Variants in SPAG16 observed in about 807,000 individuals in gnomAD.
SPAG16 encodes sperm associated antigen 16.
A neutral mutation model predicts 80.4 loss-of-function variants in SPAG16; 86 were observed. The observed-to-expected ratio is 1.07, with a 90% CI of 0.90 to 1.28. The LOEUF (loss-of-function observed/expected upper bound fraction) is 1.28. Ranked by LOEUF, SPAG16 falls within the 50% of genes most tolerant of loss-of-function variation. SPAG16 has a pLI of 0.00. For synonymous variants in SPAG16, 294 were observed against 265.9 expected, an observed-to-expected ratio of 1.11 and a Z score of -1.03; for missense variants, 870 against 765.3, an observed-to-expected ratio of 1.14 and a Z score of -1.61.
At chr2:213,869,931 G>T (rs2075883614) in intron 11 of SPAG16, among the ~76,000 whole-genome samples, 1 of 152,156 alleles carries the variant, frequency 6.6e-6, no homozygotes, top group South Asian at 2.1e-4. Flanking sequence ...TATTGGGGAA[G>T]GCCTGGTTTG....
rs569062804 is a variant in SPAG16 at position 213,616,070 on chromosome 2, A to G, written c.1070+125980A>G. On this transcript the variant is annotated intron_variant, in intron 10 of 15. Coordinates refer to ENST00000331683, the MANE Select transcript of SPAG16 (RefSeq NM_024532.5). ...AACTTAAAGTATGATAATAATAACA[A>G]AAGAAATTAATCCATTTTACCGATT... is the stretch of plus-strand genomic sequence containing the variant. Among the ~76,000 whole-genome samples, 5 of 152,306 alleles carry G rather than the reference A, an allele frequency of 3.3e-5. No homozygotes were observed. The South Asian group carries it at 1.0e-3, about 32-fold the overall frequency.
At chr2:213,686,441 T>A (rs1202247734) in intron 10 of SPAG16, among the ~76,000 whole-genome samples, 1 of 152,146 alleles carries the variant, frequency 6.6e-6, no homozygotes, top group Non-Finnish European at 1.5e-5. Context: ...TATTCCTTTC[T>A]CTGAAATTTA....
At chr2:213,944,305 G>C (rs2079346496) in intron 12 of SPAG16, among the ~76,000 whole-genome samples, 3 of 152,218 alleles carry the variant, frequency 2.0e-5, no homozygotes, top group South Asian at 2.1e-4. Context: ...CAGAGGCAGA[G>C]CATCATCAAG....
At chr2:214,328,474 C>G (rs900200536) in intron 15 of SPAG16, among the ~76,000 whole-genome samples, 1 of 152,122 alleles carries the variant, frequency 6.6e-6, no homozygotes, top group Non-Finnish European at 1.5e-5. Context: ...GTTTAGCAGT[C>G]TTTGAGAAAA....
At chr2:213,377,897 ATATATATTTTTTT>A (rs1306805534) in intron 9 of SPAG16, among the ~76,000 whole-genome samples, 94 of 89,166 alleles carry the variant, frequency 1.1e-3, no homozygotes, top group African/African-American at 4.3e-3. Context: ...ATATATATAT[ATATATATTTTTTT>A]TTTTTTTTCT....
At chr2:214,388,743 C>CA (rs1700900551) in intron 15 of SPAG16, among the ~76,000 whole-genome samples, 1 of 151,994 alleles carries the variant, frequency 6.6e-6, no homozygotes, top group African/African-American at 2.4e-5. Flanking sequence ...GAAAGAATTC[C>CA]AAAAAAGGAA....
At chr2:213,552,415 C>A (rs1449376810) in intron 10 of SPAG16, among the ~76,000 whole-genome samples, 2 of 152,146 alleles carry the variant, frequency 1.3e-5, no homozygotes, top group African/African-American at 4.8e-5. Context: ...CACTAACCTT[C>A]CTGGTGGGGC....
chr2:213,355,702 G>A (rs955508579), intron 7 of SPAG16, among the ~76,000 whole-genome samples: 2 of 152,148 alleles, frequency 1.3e-5, no homozygotes, highest in African/African-American at 4.8e-5. Context: ...TGTGATTGTT[G>A]CACATTGATT....
At chr2:214,071,870 TTA>T (rs2050802609) in intron 13 of SPAG16, among the ~76,000 whole-genome samples, 1 of 152,154 alleles carries the variant, frequency 6.6e-6, no homozygotes, top group Admixed American at 6.6e-5. Flanking sequence ...ACACTGTAAT[TTA>T]GTTAGAAACT....
intron 10 of SPAG16, among the ~76,000 whole-genome samples, chr2:213,523,788 A>C (rs927606795): frequency 2.0e-5 from 3 of 152,182 alleles, no homozygotes; most frequent in African/African-American, 7.2e-5. Context: ...CCCCTGCCCT[A>C]AAGATCTGTG....
At chr2:213,876,816 A>G (rs979287119) in intron 11 of SPAG16, among the ~76,000 whole-genome samples, 5 of 152,080 alleles carry the variant, frequency 3.3e-5, no homozygotes, top group Non-Finnish European at 7.4e-5. Context: ...CCATAATTTC[A>G]GTATTAGGGT....
chr2:214,071,443 G>T (rs796920941), intron 13 of SPAG16, among the ~76,000 whole-genome samples: 5 of 152,240 alleles, frequency 3.3e-5, no homozygotes, highest in African/African-American at 1.2e-4. Flanking sequence ...TATAAGGCAT[G>T]TAGAGGATAA....
intron 11 of SPAG16, among the ~76,000 whole-genome samples, chr2:213,882,988 C>G (rs2076405136): frequency 6.6e-6 from 1 of 152,144 alleles, no homozygotes; most frequent in Non-Finnish European, 1.5e-5. Context: ...TCCTCAGCCT[C>G]CCGAGTAGCT....
chr2:214,368,126 T>C (rs1439578241), intron 15 of SPAG16, among the ~76,000 whole-genome samples: 1 of 152,134 alleles, frequency 6.6e-6, no homozygotes, highest in Non-Finnish European at 1.5e-5. Flanking sequence ...AAGCAAACCA[T>C]TAAAATGCTC....
At chr2:213,757,083 A>G (rs2068382011) in intron 10 of SPAG16, among the ~76,000 whole-genome samples, 1 of 152,204 alleles carries the variant, frequency 6.6e-6, no homozygotes, top group Non-Finnish European at 1.5e-5. Context: ...GATTTCATAT[A>G]CTAACATAAA....
rs1473505504 is a variant in SPAG16, at chr2:213,848,770, T to TC, written c.1071-13711dup. On this transcript the variant is annotated intron_variant, in intron 10 of 15. Coordinates refer to ENST00000331683, the MANE Select transcript of SPAG16 (RefSeq NM_024532.5). ...TATCGCCCCTTGCAGCTCTTCAGCTTCCCCTTGCCAGCATCTCAAATTACA... is the reference window on the plus strand; with the variant it reads ...TATCGCCCCTTGCAGCTCTTCAGCTTCCCCCTTGCCAGCATCTCAAATTACA... 2.0e-5 allele frequency among the ~76,000 whole-genome samples: 3 copies of TC among 152,254 alleles called. No homozygotes were observed. The East Asian group carries it at 5.8e-4, about 30-fold the overall frequency.
chr2:213,414,360 G>T (rs1456127371), intron 9 of SPAG16, among the ~76,000 whole-genome samples: 1 of 152,022 alleles, frequency 6.6e-6, no homozygotes. Context: ...ATTATTTTAA[G>T]ATTAGTTCCT....
At chr2:213,292,455 G>A (rs1559376937) in intron 1 of SPAG16, among the ~76,000 whole-genome samples, 2 of 151,570 alleles carry the variant, frequency 1.3e-5, no homozygotes, top group Non-Finnish European at 2.9e-5. Context: ...ATGAGGTCAG[G>A]AGATCGAGAC....
At chr2:213,850,551 G>A (rs1177132400) in intron 10 of SPAG16, among the ~76,000 whole-genome samples, 1 of 152,164 alleles carries the variant, frequency 6.6e-6, no homozygotes, top group African/African-American at 2.4e-5. Context: ...CTGCCTGTAT[G>A]GCATTTCTTC....
Sources: allele counts gnomAD v4.1 joint callset (sites outside exome capture counted in the v4.1 genomes callset), GRCh38; gene constraint gnomAD v4.1.1; transcripts MANE v1.5; gene names NCBI Gene and HGNC (gene_info 2026-07-23, HGNC 2026-07-21).